The following STX8 variants were observed in gnomAD, a reference collection of about 807,000 sequenced individuals.
STX8 encodes syntaxin 8, also known as syntaxin-8.
A neutral mutation model predicts 37.5 loss-of-function variants in STX8; 23 were observed. The ratio of observed to expected loss-of-function variants is 0.61; its 90% CI spans 0.44 to 0.87. STX8 has a LOEUF of 0.87. Among genes scored for constraint, STX8 ranks in the 40% least tolerant of loss-of-function variants. The pLI, the probability that STX8 is intolerant of heterozygous loss-of-function variation, is 0.00. For synonymous variants in STX8, 115 were observed against 99.1 expected (o/e 1.16, Z -0.95); for missense variants, 313 against 284.7 (o/e 1.10, Z -0.71).
intron 7 of STX8, among the ~76,000 whole-genome samples, chr17:9,310,649 G>C (rs970825709): frequency 4.6e-5 from 7 of 152,126 alleles, no homozygotes; most frequent in African/African-American, 1.7e-4. Context: ...TGAATCTTGT[G>C]GGGTTGGGGA....
chr17:9,488,812 G>GAA (rs1307203756), intron 6 of STX8, among the ~76,000 whole-genome samples: 14 of 103,720 alleles, frequency 1.3e-4, no homozygotes, highest in African/African-American at 4.9e-4. Flanking sequence ...GAGAGAGAGA[G>GAA]AGAGAGAGAG....
At chr17:9,269,027 A>T (rs975215945) in intron 7 of STX8, among the ~76,000 whole-genome samples, 1 of 152,104 alleles carries the variant, frequency 6.6e-6, no homozygotes, top group African/African-American at 2.4e-5. Context: ...CTCTACTAAA[A>T]ATACAAAAAA....
chr17:9,491,993 G>A (rs938537253), intron 5 of STX8, 72 bp from the exon 6 acceptor site: 1 of 1,027,470 alleles, frequency 9.7e-7, no homozygotes, highest in Non-Finnish European at 1.4e-6. Flanking sequence ...GTATACCCAG[G>A]CATATAACAC....
chr17:9,440,222 A>G (rs765258881), intron 6 of STX8, among the ~76,000 whole-genome samples: 16 of 152,152 alleles, frequency 1.1e-4, no homozygotes, highest in Admixed American at 3.3e-4. Context: ...GATTTGAAAC[A>G]TATTTCCTAA....
rs538655895 is a variant in STX8 at position 9,297,049 on chromosome 17, A to G, written c.644-46404T>C. On this transcript the variant is annotated intron_variant, in intron 7 of 7. Coordinates refer to ENST00000306357, the MANE Select transcript of STX8 (RefSeq NM_004853.3). ...GAAGAATAACAGCATCTGTTCATAC[A>G]GGACAGGTATGAGGACTTCATGACA... Among the ~76,000 whole-genome samples, 16 of 152,306 alleles carry G rather than the reference A, an allele frequency of 1.1e-4. No homozygotes were observed. In the South Asian group the frequency reaches 1.7e-3, roughly 16 times the overall value.
chr17:9,531,252 T>C (rs1012459429), intron 4 of STX8, among the ~76,000 whole-genome samples: 2 of 122,924 alleles, frequency 1.6e-5, no homozygotes, highest in Non-Finnish European at 3.9e-5. Context: ...CAGCTTTTCT[T>C]ATCTCTTTGC....
intron 7 of STX8, among the ~76,000 whole-genome samples, chr17:9,368,412 G>A (rs891405306): frequency 9.9e-5 from 15 of 152,136 alleles, no homozygotes; most frequent in African/African-American, 3.1e-4. Context: ...GTTGAGGCAG[G>A]AGAATGGCAT....
At chr17:9,429,914 T>TAGA (rs1913834348) in intron 6 of STX8, among the ~76,000 whole-genome samples, 1 of 9,704 alleles carries the variant, frequency 1.0e-4, no homozygotes, top group Non-Finnish European at 1.4e-4. Flanking sequence ...ATATATTATA[T>TAGA]ATAATATATA....
intron 4 of STX8, among the ~76,000 whole-genome samples, chr17:9,513,050 C>G (rs1245008004): frequency 1.3e-5 from 2 of 152,106 alleles, no homozygotes; most frequent in African/African-American, 4.8e-5. Context: ...AACTAAAAAG[C>G]TTCTGCACAG....
chr17:9,252,437 C>CT (rs1906618639), intron 7 of STX8, among the ~76,000 whole-genome samples: 1 of 147,666 alleles, frequency 6.8e-6, no homozygotes, highest in Non-Finnish European at 1.5e-5. Context: ...GAGCAAGACT[C>CT]TGTCTCAAAA....
chr17:9,290,776 G>A (rs1176880059), intron 7 of STX8, among the ~76,000 whole-genome samples: 1 of 152,162 alleles, frequency 6.6e-6, no homozygotes, highest in Non-Finnish European at 1.5e-5. Flanking sequence ...CCCTGAGGAT[G>A]CTACCAAAAG....
At chr17:9,386,188 T>C (rs1912007464) in intron 6 of STX8, among the ~76,000 whole-genome samples, 1 of 149,644 alleles carries the variant, frequency 6.7e-6, no homozygotes, top group Admixed American at 6.7e-5. Context: ...AACCCAAATA[T>C]CCATCATTAG....
intron 6 of STX8, among the ~76,000 whole-genome samples, chr17:9,453,487 CTT>C (rs1168841037): frequency 0.024 from 2,636 of 112,136 alleles, 32 homozygotes; most frequent in African/African-American, 0.078. Flanking sequence ...CACTACTCAT[CTT>C]TTTTTTTTTT....
rs140452744 is a variant in STX8 at position 9,413,579 on chromosome 17, G to GT, written c.542-34927dup. Among the ~76,000 whole-genome samples the GT allele has an allele frequency of 2.6e-3, 392 of 152,258 alleles. 1 individual carries two copies. The highest frequency in any genetic ancestry group is 9.0e-3 in the African/African-American group (373 of 41,554). ...CAATGGTAGCCTTTATCTCTCCATT[G>GT]TTTTTCCCCCTAGTCATATCTACCT... On this transcript the variant is annotated intron_variant, in intron 6 of 7. Coordinates refer to ENST00000306357, the MANE Select transcript of STX8 (RefSeq NM_004853.3).
At chr17:9,479,615 T>C (rs1230088889) in intron 6 of STX8, among the ~76,000 whole-genome samples, 2 of 148,568 alleles carry the variant, frequency 1.3e-5, no homozygotes, top group African/African-American at 2.4e-5. Flanking sequence ...AGATGTATTT[T>C]ATAAATTATA....
At chr17:9,328,479 C>T (rs1335343776) in intron 7 of STX8, among the ~76,000 whole-genome samples, 1 of 152,124 alleles carries the variant, frequency 6.6e-6, no homozygotes, top group Non-Finnish European at 1.5e-5. Context: ...CACACTCCTT[C>T]TGAACGTGGG....
intron 6 of STX8, among the ~76,000 whole-genome samples, chr17:9,441,833 G>A (rs1298279686): frequency 3.3e-5 from 5 of 151,708 alleles, no homozygotes; most frequent in South Asian, 4.2e-4. Context: ...CCACCACCAC[G>A]CCCGGCTAAT....
chr17:9,287,305 G>T (rs965215531), intron 7 of STX8, among the ~76,000 whole-genome samples: 16 of 152,164 alleles, frequency 1.1e-4, no homozygotes, highest in African/African-American at 3.6e-4. Flanking sequence ...GACTATATGA[G>T]GGCCAGATGC....
chr17:9,283,752 G>A (rs1907977874), intron 7 of STX8, among the ~76,000 whole-genome samples: 1 of 152,032 alleles, frequency 6.6e-6, no homozygotes, highest in South Asian at 2.1e-4. Context: ...CAACAACCTT[G>A]GTCTCTATGG....
Sources: gnomAD v4.1 joint callset for allele counts (sites outside exome capture counted in the v4.1 genomes callset) on GRCh38, gnomAD v4.1.1 for gene constraint, MANE v1.5 for transcripts, NCBI Gene and HGNC (gene_info 2026-07-23, HGNC 2026-07-21) for gene names.